Variants in B3GAT2 observed in about 807,000 individuals in gnomAD.
The protein encoded by B3GAT2 is galactosylgalactosylxylosylprotein 3-beta-glucuronosyltransferase 2.
In B3GAT2, 26 loss-of-function variants were observed where a neutral mutation model predicts 27.8. That is an observed-to-expected ratio of 0.93 (90% CI 0.68 to 1.30). The LOEUF (loss-of-function observed/expected upper bound fraction) is 1.30, where lower values mean the gene tolerates loss of function less well. B3GAT2 is among the 50% of genes most tolerant of loss of function. The pLI is 0.00. For synonymous variants in B3GAT2, 218 were observed against 195.1 expected, an observed-to-expected ratio of 1.12 and a Z score of -0.98; for missense variants, 458 against 459.0, an observed-to-expected ratio of 1.00 and a Z score of 0.02.
At chr6:70,874,636 T>C (rs989703888) in intron 2 of B3GAT2, among the ~76,000 whole-genome samples, 1 of 152,210 alleles carries the variant, frequency 6.6e-6, no homozygotes, top group Non-Finnish European at 1.5e-5. Flanking sequence ...GCTTAGCTTG[T>C]TTGCCACAAC....
In B3GAT2 at chr6:70,956,334, G is replaced by A. The variant is rs143347651; in HGVS notation, c.96C>T (p.Pro32=). The change falls in exon 1 of 4, where the codon CCC becomes CCT. Residue 32 remains proline, a synonymous_variant. Transcript: ENST00000230053. ...MLDVDTRRPV[P]PLTPRPYFSP... ...AGAAGTAGGGGCGCGGGGTGAGCGG[G>A]GGCACTGGCCTGCGCGTGTCCACGT... 8.2e-6 allele frequency: 13 copies of A among 1,577,850 alleles called. No individual in the cohort carries two copies. The East Asian group carries it at 2.8e-4, about 34-fold the overall frequency.
rs142402519 is a variant in B3GAT2, at chr6:70,871,441, C to T, written c.737-9463G>A. 9.4e-3 allele frequency among the ~76,000 whole-genome samples: 1,422 copies of T among 151,416 alleles called. 28 individuals are homozygous for T. The highest frequency in any genetic ancestry group is 0.032 in the African/African-American group (1,325 of 41,362). On this transcript the variant is annotated intron_variant, in intron 2 of 3. Coordinates refer to ENST00000230053, the MANE Select transcript of B3GAT2 (RefSeq NM_080742.3). ...ATTAATTCAATCTCTCTGTTATAGG[C>T]CTATTTAGATTTTTTTGAGACAGTT... is the stretch of plus-strand genomic sequence containing the variant.
chr6:70,949,236 A>G (rs963522001), intron 1 of B3GAT2, among the ~76,000 whole-genome samples: 1 of 151,946 alleles, frequency 6.6e-6, no homozygotes, highest in African/African-American at 2.4e-5. Flanking sequence ...GCTTCTGCAC[A>G]GCAAAAGAAA....
At chr6:70,927,611 C>A (rs961450597) in intron 1 of B3GAT2, among the ~76,000 whole-genome samples, 6 of 152,170 alleles carry the variant, frequency 3.9e-5, no homozygotes, top group Non-Finnish European at 8.8e-5. Context: ...GGGATCAATT[C>A]AACAACAAGA....
At chr6:70,953,468 T>A (rs945984757) in intron 1 of B3GAT2, among the ~76,000 whole-genome samples, 6 of 152,186 alleles carry the variant, frequency 3.9e-5, no homozygotes, top group African/African-American at 1.4e-4. Context: ...GAAAACTGAA[T>A]GTATCAGCAT....
intron 1 of B3GAT2, among the ~76,000 whole-genome samples, chr6:70,920,297 G>A (rs1258795363): frequency 6.6e-6 from 1 of 152,214 alleles, no homozygotes; most frequent in Middle Eastern, 3.2e-3. Flanking sequence ...TATTTGAGCA[G>A]GAGTGTACTT....
intron 2 of B3GAT2, among the ~76,000 whole-genome samples, chr6:70,875,006 A>ATTT (rs1562215448): frequency 4.7e-5 from 7 of 149,960 alleles, no homozygotes; most frequent in Admixed American, 2.7e-4. Context: ...GCCTTTTTTA[A>ATTT]AAAAAAAAAA....
At chr6:70,867,832 C>T (rs1435922982) in intron 2 of B3GAT2, among the ~76,000 whole-genome samples, 1 of 152,058 alleles carries the variant, frequency 6.6e-6, no homozygotes, top group East Asian at 1.9e-4. Context: ...CAGCATTGCC[C>T]TGATACCAAA....
chr6:70,903,446 T>C (rs554371183), intron 1 of B3GAT2, among the ~76,000 whole-genome samples: 163 of 152,198 alleles, frequency 1.1e-3, no homozygotes, highest in Non-Finnish European at 2.0e-3. Flanking sequence ...TGGGAGAACA[T>C]ATCCTAATAC....
chr6:70,862,745 G>A (rs929863002), intron 2 of B3GAT2, among the ~76,000 whole-genome samples: 14 of 152,144 alleles, frequency 9.2e-5, no homozygotes, highest in Non-Finnish European at 1.9e-4. Flanking sequence ...CAAGGCAGAA[G>A]GATCTCTTGA....
chr6:70,916,610 T>C (rs1038463671), intron 1 of B3GAT2, among the ~76,000 whole-genome samples: 1 of 152,256 alleles, frequency 6.6e-6, no homozygotes, highest in Non-Finnish European at 1.5e-5. Flanking sequence ...CATGAAAGGC[T>C]GTTGAATTTT....
At chr6:70,884,651 C>T (rs1276960657) in intron 2 of B3GAT2, among the ~76,000 whole-genome samples, 1 of 152,152 alleles carries the variant, frequency 6.6e-6, no homozygotes, top group Non-Finnish European at 1.5e-5. Flanking sequence ...GAAAAACTTC[C>T]CAGAAAAAGC....
In B3GAT2 at chr6:70,956,398, A is replaced by C. The variant is rs1319985521; in HGVS notation, c.32T>G (p.Ile11Ser). 3.2e-6 allele frequency: 5 copies of C among 1,552,958 alleles called. No individual in the cohort carries two copies. In the East Asian group the frequency reaches 1.2e-4, roughly 38 times the overall value. MKSALFTRFF[I>S]LLPWILIVII... is the part of the protein sequence containing the mutation. ...GACAATTAGGATCCAGGGCAGGAGG[A>C]TAAAGAAGCGGGTGAAAAGCGCGGA... The change falls in exon 1 of 4, where the codon ATC becomes AGC. Residue 11 changes from isoleucine (I) to serine (S), a missense_variant. Ile to Ser is a moderately radical substitution (Grantham distance 142). Transcript: ENST00000230053.
chr6:70,921,923 C>T (rs1772877459), intron 1 of B3GAT2, among the ~76,000 whole-genome samples: 1 of 152,154 alleles, frequency 6.6e-6, no homozygotes, highest in Non-Finnish European at 1.5e-5. Flanking sequence ...ACTGGGCCCC[C>T]CAACTTTGTT....
In B3GAT2 at chr6:70,954,306, G is replaced by A. The variant is rs111925094; in HGVS notation, c.591+1533C>T. Among the ~76,000 whole-genome samples the A allele has an allele frequency of 1.9e-3, 284 of 152,160 alleles. 1 individual carries two copies. Among genetic ancestry groups the A allele is most frequent in the African/African-American group, 6.3e-3 (261 of 41,500 alleles). ...GTATCTCTAATCTTGGGTTGAGTAA[G>A]GACCATACTATACAATGCCAAGCTT... On this transcript the variant is annotated intron_variant, in intron 1 of 3. Transcript: ENST00000230053.
At chr6:70,894,952 A>C (rs1772354106) in intron 1 of B3GAT2, among the ~76,000 whole-genome samples, 1 of 152,238 alleles carries the variant, frequency 6.6e-6, no homozygotes, top group African/African-American at 2.4e-5. Context: ...GATTTCTTTA[A>C]GGGGAAAGAG....
Position 70,955,894 on chromosome 6 carries a change from C to T in B3GAT2, c.536G>A (p.Gly179Asp). 1 of 1,604,504 alleles carries T rather than the reference C, an allele frequency of 6.2e-7. No individual in the cohort carries two copies. Among genetic ancestry groups the T allele is most frequent in the Non-Finnish European group, 8.5e-7 (1 of 1,176,498 alleles). The change falls in exon 1 of 4, where the codon GGC (glycine) becomes GAC (aspartate). Residue 179 changes from glycine (G) to aspartate (D), a missense_variant. By Grantham distance (94) the Gly-to-Asp change is moderately conservative (BLOSUM62 -1). Transcript: ENST00000230053. ...QRHQHQRAQP[G>D]VLFFADDDNT... ...GTCGTCGTCAGCGAAGAAGAGCACG[C>T]CGGGCTGCGCGCGCTGGTGCTGGTG...
Position 70,858,073 on chromosome 6 carries a change from C to T in B3GAT2, c.*3590G>A, listed in dbSNP as rs1164703297. 1.2e-6 allele frequency: 2 copies of T among 1,614,040 alleles called. No individual in the cohort carries two copies. Among genetic ancestry groups the T allele is most frequent in the South Asian group, 1.1e-5 (1 of 91,078 alleles). On this transcript the variant is annotated 3_prime_UTR_variant, in exon 4 of 4. Coordinates refer to ENST00000230053, the MANE Select transcript of B3GAT2 (RefSeq NM_080742.3). ...GTCCAAGCATGATGGTGGGCATGCC[C>T]ATGCCCAATGGGTTTATGGGAAATG...
Position 70,955,932 on chromosome 6 carries a change from C to T in B3GAT2, c.498G>A (p.Trp166Ter). The change falls in exon 1 of 4, where the codon TGG becomes TGA. Residue 166 changes from tryptophan to a stop codon, truncating the protein, a stop_gained. Coordinates refer to ENST00000230053, the MANE Select transcript of B3GAT2 (RefSeq NM_080742.3). LOFTEE classifies it high-confidence loss of function. The part of the protein sequence containing the change: ...ATEQRNAGLA[W>*]LRQRHQHQRA... ...GCTGGTGCTGGTGCCTCTGGCGCAG[C>T]CAGGCGAGGCCCGCGTTGCGCTGCT... The T allele has an allele frequency of 6.3e-7, 1 of 1,588,122 alleles. No individual in the cohort carries two copies.
Sources: gnomAD v4.1 joint callset for allele counts (sites outside exome capture counted in the v4.1 genomes callset) on GRCh38, gnomAD v4.1.1 for gene constraint, MANE v1.5 for transcripts, NCBI Gene and HGNC (gene_info 2026-07-23, HGNC 2026-07-21) for gene names.